Variants in ALK observed in about 807,000 individuals in gnomAD.
ALK encodes the protein ALK receptor tyrosine kinase.
A neutral mutation model predicts 163.1 loss-of-function variants in ALK; 74 were observed. That is an observed-to-expected ratio of 0.45 (90% CI 0.38 to 0.55). The LOEUF is 0.55. Among genes scored for constraint, ALK ranks in the 20% least tolerant of loss-of-function variants. The pLI is 0.00. For synonymous variants in ALK, 960 were observed against 843.2 expected (o/e 1.14, Z -2.40); for missense variants, 2,063 against 2,105.3 (o/e 0.98, Z 0.39).
intron 3 of ALK, among the ~76,000 whole-genome samples, chr2:29,558,190 G>T (rs1231163909): frequency 6.6e-6 from 1 of 152,184 alleles, no homozygotes; most frequent in Non-Finnish European, 1.5e-5. Flanking sequence ...ATACTTGTTT[G>T]TTTATGGCAT....
In ALK at chr2:29,506,870, A is replaced by T. The variant is rs191736884; in HGVS notation, c.1154+25045T>A. Among the ~76,000 whole-genome samples the T allele has an allele frequency of 3.2e-4, 49 of 152,318 alleles. 1 individual carries two copies. The highest frequency in any genetic ancestry group is 6.8e-3 in the Middle Eastern group (2 of 294). On this transcript the variant is annotated intron_variant, in intron 4 of 28. Transcript: ENST00000389048. ...AACTGACAAAGACACTTAAAGGAAGAGGTGAAAATATCAGTGAGGATGTAG... is the reference window on the plus strand; with the variant it reads ...AACTGACAAAGACACTTAAAGGAAGTGGTGAAAATATCAGTGAGGATGTAG...
At chr2:29,461,517 C>A (rs966419612) in intron 4 of ALK, among the ~76,000 whole-genome samples, 2 of 152,056 alleles carry the variant, frequency 1.3e-5, no homozygotes, top group African/African-American at 4.8e-5. Context: ...AATTGTGGGG[C>A]CCTTAAGAAT....
intron 1 of ALK, among the ~76,000 whole-genome samples, chr2:29,776,958 A>ACCC (rs945559298): frequency 6.6e-6 from 1 of 152,132 alleles, no homozygotes; most frequent in African/African-American, 2.4e-5. Flanking sequence ...TCCAGGTGGA[A>ACCC]CCCCAGAAAC....
At chr2:29,524,920 T>A (rs925404557) in intron 4 of ALK, among the ~76,000 whole-genome samples, 1 of 151,622 alleles carries the variant, frequency 6.6e-6, no homozygotes, top group Non-Finnish European at 1.5e-5. Flanking sequence ...GGTGGGTAGA[T>A]GGGATGTATG....
chr2:29,780,029 T>C (rs1681289932), intron 1 of ALK, among the ~76,000 whole-genome samples: 1 of 152,220 alleles, frequency 6.6e-6, no homozygotes, highest in South Asian at 2.1e-4. Context: ...CCAGCATCAT[T>C]GTGGACCAAG....
intron 4 of ALK, among the ~76,000 whole-genome samples, chr2:29,432,050 C>T (rs551330521): frequency 1.3e-5 from 2 of 152,060 alleles, no homozygotes; most frequent in African/African-American, 4.8e-5. Context: ...GAGGAGAATG[C>T]CCCTGCCCTG....
intron 1 of ALK, among the ~76,000 whole-genome samples, chr2:29,769,983 T>G (rs889545209): frequency 6.6e-6 from 1 of 152,190 alleles, no homozygotes; most frequent in Non-Finnish European, 1.5e-5. Context: ...TCTAGGAGTG[T>G]TGGTGGGAGG....
At chr2:29,848,234 G>C (rs1404248542) in intron 1 of ALK, among the ~76,000 whole-genome samples, 1 of 151,938 alleles carries the variant, frequency 6.6e-6, no homozygotes, top group Non-Finnish European at 1.5e-5. Context: ...AGTGCGAAAG[G>C]CAAAAATTGA....
At chr2:29,244,544 G>A (rs1558635348) in intron 12 of ALK, among the ~76,000 whole-genome samples, 1 of 152,134 alleles carries the variant, frequency 6.6e-6, no homozygotes, top group Non-Finnish European at 1.5e-5. Flanking sequence ...CACCTTCCTG[G>A]CCAGTGTAGC....
At chr2:29,700,147 T>C (rs1195984824) in intron 2 of ALK, among the ~76,000 whole-genome samples, 2 of 152,200 alleles carry the variant, frequency 1.3e-5, no homozygotes, top group African/African-American at 4.8e-5. Context: ...ATGCTGCCCC[T>C]AAACAAGGAC....
chr2:29,195,033 C>T (rs947623565), intron 28 of ALK, among the ~76,000 whole-genome samples: 1 of 152,104 alleles, frequency 6.6e-6, no homozygotes, highest in African/African-American at 2.4e-5. Context: ...ACCCTCATTA[C>T]CTGAGTAACA....
intron 5 of ALK, among the ~76,000 whole-genome samples, chr2:29,355,712 T>A (rs1668231372): frequency 6.6e-6 from 1 of 152,288 alleles, no homozygotes; most frequent in African/African-American, 2.4e-5. Flanking sequence ...GCCTTTTAGG[T>A]CAGGCATTAA....
chr2:29,598,567 G>A (rs1245272751), intron 3 of ALK, among the ~76,000 whole-genome samples: 1 of 152,182 alleles, frequency 6.6e-6, no homozygotes, highest in Non-Finnish European at 1.5e-5. Context: ...TGGGTCTAGA[G>A]AGCAAAGGGC....
At chr2:29,911,592 G>A (rs1045001011) in intron 1 of ALK, among the ~76,000 whole-genome samples, 10 of 152,218 alleles carry the variant, frequency 6.6e-5, no homozygotes, top group Non-Finnish European at 1.3e-4. Context: ...ATGCTAATTC[G>A]CTGACGGAAC....
intron 3 of ALK, among the ~76,000 whole-genome samples, chr2:29,545,781 T>C (rs933716918): frequency 3.3e-5 from 5 of 152,224 alleles, no homozygotes; most frequent in African/African-American, 1.2e-4. Flanking sequence ...GACTGAATCA[T>C]TAGAAAAACC....
rs2270353 is a variant in ALK, at chr2:29,717,954, C to T, written c.668-257G>A. 0.63 allele frequency among the ~76,000 whole-genome samples: 95,518 copies of T among 152,070 alleles called. 35,148 individuals carry two copies. The highest frequency in any genetic ancestry group is 0.81 in the Non-Finnish European group (55,260 of 67,972). On this transcript the variant is annotated intron_variant, in intron 1 of 28. Coordinates refer to ENST00000389048, the MANE Select transcript of ALK (RefSeq NM_004304.5). ...ATGCTGAGGATCTCTGGGAGATGAA[C>T]TAGAAGCCAGGGCACTTAATGGCTT...
At chr2:29,731,912 G>A (rs1679752526) in intron 1 of ALK, among the ~76,000 whole-genome samples, 1 of 152,196 alleles carries the variant, frequency 6.6e-6, no homozygotes, top group Non-Finnish European at 1.5e-5. Flanking sequence ...TAAAGGTGTT[G>A]TAGGAAGGTG....
chr2:29,842,437 T>C (rs1665725488), intron 1 of ALK, among the ~76,000 whole-genome samples: 1 of 152,186 alleles, frequency 6.6e-6, no homozygotes, highest in Non-Finnish European at 1.5e-5. Context: ...ATTCTCAGGC[T>C]TTACCAGGGC....
At chr2:29,804,269 T>C (rs1018151723) in intron 1 of ALK, among the ~76,000 whole-genome samples, 1 of 152,170 alleles carries the variant, frequency 6.6e-6, no homozygotes, top group Non-Finnish European at 1.5e-5. Context: ...CACAGACAGG[T>C]GGGGTACAAG....
Sources: gnomAD v4.1 joint callset for allele counts (sites outside exome capture counted in the v4.1 genomes callset) on GRCh38, gnomAD v4.1.1 for gene constraint, MANE v1.5 for transcripts, NCBI Gene and HGNC (gene_info 2026-07-23, HGNC 2026-07-21) for gene names.